The following PYGL variants were observed in gnomAD, a reference collection of about 807,000 sequenced individuals.
The protein encoded by PYGL is glycogen phosphorylase, liver form.
In PYGL, 90 loss-of-function variants were observed where a neutral mutation model predicts 100.1. The ratio of observed to expected loss-of-function variants is 0.90; its 90% CI spans 0.76 to 1.07. The LOEUF is 1.07. Ranked by LOEUF, PYGL falls within the 50% of genes least tolerant of loss-of-function variation. The pLI, the probability that PYGL is intolerant of heterozygous loss-of-function variation, is 0.00. For missense variants in PYGL, 1,016 were observed against 1,057.6 expected, an observed-to-expected ratio of 0.96 and a Z score of 0.55; for synonymous variants, 373 against 393.0, an observed-to-expected ratio of 0.95 and a Z score of 0.60.
intron 1 of PYGL, among the ~76,000 whole-genome samples, chr14:50,943,750 TAGGGC>T (rs2050721496): frequency 6.6e-6 from 1 of 152,194 alleles, no homozygotes; most frequent in African/African-American, 2.4e-5. Context: ...CCCTTTTGTT[TAGGGC>T]TGAGTGTCCA....
chr14:50,913,901 T>A (rs929198134), intron 12 of PYGL, among the ~76,000 whole-genome samples: 2 of 152,048 alleles, frequency 1.3e-5, no homozygotes, highest in African/African-American at 4.8e-5. Flanking sequence ...GGGGTGGGTC[T>A]CATGTTGCCC....
At chr14:50,908,384 T>G in intron 18 of PYGL, 47 bp from the exon 19 acceptor site, 7 of 1,433,252 alleles carry the variant, frequency 4.9e-6, no homozygotes, top group Non-Finnish European at 6.9e-6. Flanking sequence ...AAAATCTTCA[T>G]TAATAGATAT....
At chr14:50,925,713 G>T (rs1482144934) in intron 4 of PYGL, among the ~76,000 whole-genome samples, 1 of 152,218 alleles carries the variant, frequency 6.6e-6, no homozygotes, top group Non-Finnish European at 1.5e-5. Context: ...AAGAAAGCCA[G>T]TAAGCTTCCC....
At chr14:50,906,657 C>T (rs1596029351) in intron 19 of PYGL, among the ~76,000 whole-genome samples, 2 of 152,294 alleles carry the variant, frequency 1.3e-5, no homozygotes, top group East Asian at 3.9e-4. Flanking sequence ...TTTTTCTTTC[C>T]TGTGCTGTTT....
chr14:50,908,124 T>G, intron 19 of PYGL, 147 bp downstream of exon 19: 1 of 608,848 alleles, frequency 1.6e-6, no homozygotes. Flanking sequence ...TTGTGGTTGT[T>G]TGTTTGTTTT....
chr14:50,940,768 G>A lies in PYGL; in HGVS notation c.244-2931C>T, dbSNP rs140427448. On this transcript the variant is annotated intron_variant, in intron 1 of 19. Transcript: ENST00000216392. ...TGTAAAAAGTGGATATTTTCAAAAG[G>A]CTTGTAAAATAAAATAAAGAAGATA... Among the ~76,000 whole-genome samples, 6 of 152,232 alleles carry A rather than the reference G, an allele frequency of 3.9e-5. No homozygotes were observed. In the East Asian group the frequency reaches 1.2e-3, roughly 29 times the overall value.
chr14:50,922,485 G>T (rs1188398231), intron 5 of PYGL, among the ~76,000 whole-genome samples: 3 of 152,166 alleles, frequency 2.0e-5, no homozygotes, highest in Non-Finnish European at 4.4e-5. Flanking sequence ...TCATTTGCAG[G>T]CTGGGATTGA....
At chr14:50,932,384 G>C (rs1300676083) in intron 3 of PYGL, among the ~76,000 whole-genome samples, 1 of 152,164 alleles carries the variant, frequency 6.6e-6, no homozygotes, top group African/African-American at 2.4e-5. Flanking sequence ...CATAGCAATT[G>C]TATTTCCTTC....
chr14:50,940,393 T>G (rs894955698), intron 1 of PYGL, among the ~76,000 whole-genome samples: 1 of 152,256 alleles, frequency 6.6e-6, no homozygotes, highest in Non-Finnish European at 1.5e-5. Flanking sequence ...TTGCCTCCTT[T>G]TTAATGATTC....
At chr14:50,913,216 C>T in intron 12 of PYGL, 86 bp from the exon 13 acceptor site, 1 of 1,049,868 alleles carries the variant, frequency 9.5e-7, no homozygotes. Context: ...TTCTCTCTGT[C>T]ACCTACCACA....
At chr14:50,925,619 G>A (rs1436403112) in intron 4 of PYGL, among the ~76,000 whole-genome samples, 1 of 152,206 alleles carries the variant, frequency 6.6e-6, no homozygotes, top group African/African-American at 2.4e-5. Flanking sequence ...ACTATCTTTT[G>A]AGAATTTAGA....
At chr14:50,905,579 C>T (rs1312144289) in intron 19 of PYGL, 23 bp from the exon 20 acceptor site, 17 of 1,612,756 alleles carry the variant, frequency 1.1e-5, no homozygotes, top group Non-Finnish European at 1.4e-5. Flanking sequence ...TATGCATATA[C>T]AGCCCAGAGT....
intron 19 of PYGL, among the ~76,000 whole-genome samples, chr14:50,906,891 C>G (rs2050341538): frequency 6.6e-6 from 1 of 152,188 alleles, no homozygotes; most frequent in African/African-American, 2.4e-5. Context: ...TGTAAAGCAG[C>G]ACAGGCGTTG....
intron 4 of PYGL, among the ~76,000 whole-genome samples, chr14:50,930,813 T>C (rs2050594906): frequency 6.6e-6 from 1 of 152,152 alleles, no homozygotes; most frequent in Non-Finnish European, 1.5e-5. Flanking sequence ...TATATATTTC[T>C]GTCAATGGTG....
chr14:50,912,726 G>T (rs1407686102), intron 13 of PYGL, among the ~76,000 whole-genome samples: 7 of 152,172 alleles, frequency 4.6e-5, no homozygotes, highest in Non-Finnish European at 1.0e-4. Flanking sequence ...GGCCGAGGCG[G>T]GTGGATCACT....
Position 50,909,078 on chromosome 14 carries a change from C to T in PYGL, c.2178-123G>A, listed in dbSNP as rs2050364173. ...ATTCAGAAATACTAGCATTCAAAGA[C>T]TTCATTATAGATTTCACCATGAGTA... On this transcript the variant is annotated intron_variant, in intron 17 of 19. Transcript: ENST00000216392. 3.4e-5 allele frequency: 38 copies of T among 1,129,184 alleles called. No homozygotes were observed. The South Asian group carries it at 4.2e-4, about 13-fold the overall frequency. The allele number at this position is 1,129,184 out of a possible 1,614,324, so 69.9% of individuals were successfully genotyped here.
At position 50,921,037 on chromosome 14, in the gene PYGL, C is replaced by A. The variant is rs148378112; in HGVS notation, c.691G>T (p.Val231Leu). 1.2e-6 allele frequency: 2 copies of A among 1,614,116 alleles called. No individual in the cohort carries two copies. Among genetic ancestry groups the A allele is most frequent in the Admixed American group, 3.3e-5 (2 of 60,010 alleles). ...ACAGTGTTATTCATGTAGCCGGGCA[C>A]GGGGGTGTCATATGGCAGAGCCAGG... Reference protein sequence around the residue: ...VVLALPYDTPVPGYMNNTVNT... With the variant: ...VVLALPYDTPLPGYMNNTVNT... The change falls in exon 6 of 20, where the codon GTG becomes TTG. Residue 231 changes from valine to leucine, a missense_variant. By Grantham distance (32) the Val-to-Leu change is conservative. Transcript: ENST00000216392.
At chr14:50,907,636 A>G (rs1256377067) in intron 19 of PYGL, among the ~76,000 whole-genome samples, 1 of 152,190 alleles carries the variant, frequency 6.6e-6, no homozygotes, top group Non-Finnish European at 1.5e-5. Context: ...CATAAAAAAG[A>G]CGCCTAATGC....
intron 4 of PYGL, among the ~76,000 whole-genome samples, chr14:50,929,530 G>A (rs1020695417): frequency 6.6e-6 from 1 of 152,042 alleles, no homozygotes; most frequent in Non-Finnish European, 1.5e-5. Context: ...TTCATAAAAC[G>A]TAAGGGGAAA....
Sources: allele counts gnomAD v4.1 joint callset (sites outside exome capture counted in the v4.1 genomes callset), GRCh38; gene constraint gnomAD v4.1.1; transcripts MANE v1.5; gene names NCBI Gene and HGNC (gene_info 2026-07-23, HGNC 2026-07-21).